Variants in NDST3 observed in about 807,000 individuals in gnomAD.
The protein encoded by NDST3 is bifunctional heparan sulfate N-deacetylase/N-sulfotransferase 3.
In NDST3, 58 loss-of-function variants were observed where a neutral mutation model predicts 96.1. The ratio of observed to expected loss-of-function variants is 0.60; its 90% CI spans 0.49 to 0.75. The LOEUF is 0.75. NDST3 is among the 30% of genes least tolerant of loss of function. The pLI is 0.00. For synonymous variants in NDST3, 333 were observed against 359.7 expected (o/e 0.93, Z 0.84); for missense variants, 788 against 1,034.2 (o/e 0.76, Z 3.27).
rs201653493 is a variant in NDST3 at position 118,114,837 on chromosome 4, T to G, written c.1101T>G (p.Cys367Trp). ...AAGAGGAAGATGAAGGAGATGACTG[T>G]CTGTTGGGGTCTGTGGATGAGTTCT... is the stretch of plus-strand genomic sequence containing the variant. ...GTEEEDEGDD[C>W]LLGSVDEFWW... Residue 367 changes from cysteine to tryptophan, a missense_variant, in exon 4 of 14, where the codon TGT (cysteine) becomes TGG (tryptophan). This residue lies in a region of NDST3 where 490 missense variants were observed against 708.8 expected (regional missense o/e 0.69). Transcript: ENST00000296499. 5.9e-5 allele frequency: 96 copies of G among 1,614,016 alleles called. No homozygotes were observed. In the East Asian group the frequency reaches 2.1e-3, roughly 35 times the overall value.
chr4:118,236,475 G>A (rs921683485), intron 9 of NDST3, among the ~76,000 whole-genome samples: 5 of 152,180 alleles, frequency 3.3e-5, no homozygotes, highest in African/African-American at 1.2e-4. Context: ...ATTCTAAAGA[G>A]GAACATAAGT....
At chr4:118,218,066 C>A (rs967831897) in intron 6 of NDST3, among the ~76,000 whole-genome samples, 1 of 151,140 alleles carries the variant, frequency 6.6e-6, no homozygotes, top group Non-Finnish European at 1.5e-5. Context: ...GCCTACCAAC[C>A]AAAAAAAAGC....
chr4:118,071,957 G>A (rs146056480), intron 2 of NDST3, among the ~76,000 whole-genome samples: 242 of 152,050 alleles, frequency 1.6e-3, no homozygotes, highest in African/African-American at 5.4e-3. Flanking sequence ...GGTGTAAGAC[G>A]GTATCTCATT....
At chr4:118,074,046 A>C (rs145567001) in intron 2 of NDST3, among the ~76,000 whole-genome samples, 1 of 152,156 alleles carries the variant, frequency 6.6e-6, no homozygotes, top group Non-Finnish European at 1.5e-5. Flanking sequence ...GAAGTCATTC[A>C]GGAGTAGGTT....
rs1364932909 is a variant in NDST3, at chr4:118,237,265, G to A, written c.2118+45G>A. 2.0e-6 allele frequency: 3 copies of A among 1,472,134 alleles called. No individual in the cohort carries two copies. In the African/African-American group the frequency reaches 4.2e-5, roughly 21 times the overall value. 91.2% of individuals were successfully genotyped at this position (1,472,134 alleles called of 1,614,324 possible). A position where few individuals can be genotyped will look rare whatever the true frequency, so the allele number is the denominator to read the frequency against. ...AATCCAACAGGGAGAAGTGGAGTATGGACAATGGAGCATTGTTTTTAGCAA... is the reference window on the plus strand; with the variant it reads ...AATCCAACAGGGAGAAGTGGAGTATAGACAATGGAGCATTGTTTTTAGCAA... On this transcript the variant is annotated intron_variant, in intron 10 of 13. Transcript: ENST00000296499.
intron 4 of NDST3, among the ~76,000 whole-genome samples, chr4:118,135,736 C>A (rs898249487): frequency 6.6e-6 from 1 of 152,102 alleles, no homozygotes; most frequent in Admixed American, 6.5e-5. Context: ...AACTAAAAAA[C>A]CCATTTAGTC....
intron 6 of NDST3, chr4:118,194,710 C>G (rs1737552253): frequency 7.1e-6 from 4 of 559,936 alleles, no homozygotes; most frequent in African/African-American, 5.7e-5. Context: ...GAGGCGCCAA[C>G]TGTGTCCCAT....
intron 4 of NDST3, among the ~76,000 whole-genome samples, chr4:118,119,110 T>G (rs1230782133): frequency 6.6e-6 from 1 of 152,200 alleles, no homozygotes; most frequent in Non-Finnish European, 1.5e-5. Flanking sequence ...TACTGAAGAT[T>G]GAACTTCTAA....
chr4:118,234,212 G>A lies in NDST3; in HGVS notation c.1943+1077G>A, dbSNP rs558783721. On this transcript the variant is annotated intron_variant, in intron 9 of 13. Coordinates refer to ENST00000296499, the MANE Select transcript of NDST3 (RefSeq NM_004784.3). Reference sequence around the variant, plus strand: ...GGATCACATGAAGTCAGGAGTTTGAGACTAGCCTGGGCAACATAGCAAGAC... The same window carrying A: ...GGATCACATGAAGTCAGGAGTTTGAAACTAGCCTGGGCAACATAGCAAGAC... 2.0e-5 allele frequency among the ~76,000 whole-genome samples: 3 copies of A among 152,194 alleles called. No homozygotes were observed. In the East Asian group the frequency reaches 5.8e-4, roughly 29 times the overall value.
intron 6 of NDST3, among the ~76,000 whole-genome samples, chr4:118,173,048 G>C (rs1736053406): frequency 6.6e-6 from 1 of 151,840 alleles, no homozygotes; most frequent in Non-Finnish European, 1.5e-5. Flanking sequence ...GAAGACAAAA[G>C]GAATCTACTT....
In NDST3 at chr4:118,054,128, C is replaced by A. The variant is rs921270850; in HGVS notation, c.218C>A (p.Ala73Asp). The A allele has an allele frequency of 9.9e-6, 16 of 1,612,882 alleles. No individual in the cohort carries two copies. The highest frequency in any genetic ancestry group is 1.3e-5 in the African/African-American group (1 of 74,910). ...GTGAAAGCAATGAAGCTTTTTGATGCCTCAAGGACAGACCCCACAGTCCTA... is the reference window on the plus strand; with the variant it reads ...GTGAAAGCAATGAAGCTTTTTGATGACTCAAGGACAGACCCCACAGTCCTA... ...MEVKAMKLFD[A>D]SRTDPTVLVF... The change falls in exon 2 of 14, where the codon GCC (alanine) becomes GAC (aspartate). Residue 73 changes from alanine to aspartate, a missense_variant. Coordinates refer to ENST00000296499, the MANE Select transcript of NDST3 (RefSeq NM_004784.3).
At chr4:118,250,859 T>C (rs1176398746) in intron 12 of NDST3, among the ~76,000 whole-genome samples, 1 of 152,066 alleles carries the variant, frequency 6.6e-6, no homozygotes, top group Non-Finnish European at 1.5e-5. Context: ...ATACAAGTTC[T>C]ATATTAGATA....
intron 6 of NDST3, among the ~76,000 whole-genome samples, chr4:118,183,394 A>G (rs1736727701): frequency 6.6e-6 from 1 of 152,160 alleles, no homozygotes. Flanking sequence ...TACTGGTGAT[A>G]TCATTTGATT....
At chr4:118,157,643 C>T (rs974445472) in intron 6 of NDST3, among the ~76,000 whole-genome samples, 1 of 151,974 alleles carries the variant, frequency 6.6e-6, no homozygotes, top group African/African-American at 2.4e-5. Context: ...AGGATGGTCT[C>T]GATCTCCTGA....
intron 6 of NDST3, among the ~76,000 whole-genome samples, chr4:118,150,098 G>T (rs368968740): frequency 6.6e-6 from 1 of 151,828 alleles, no homozygotes; most frequent in Non-Finnish European, 1.5e-5. Flanking sequence ...GCATCCCAGG[G>T]ATGAAGCCCA....
chr4:118,218,491 A>T (rs918338182), intron 6 of NDST3, among the ~76,000 whole-genome samples: 1 of 152,150 alleles, frequency 6.6e-6, no homozygotes, highest in African/African-American at 2.4e-5. Flanking sequence ...AAAATTCAAC[A>T]TCCCTTTATG....
chr4:118,080,210 G>A (rs1478779985), intron 2 of NDST3, among the ~76,000 whole-genome samples: 1 of 152,032 alleles, frequency 6.6e-6, no homozygotes, highest in African/African-American at 2.4e-5. Flanking sequence ...GGATGGGGAG[G>A]GTGGGAGCAA....
At chr4:118,175,148 A>T (rs1176842852) in intron 6 of NDST3, among the ~76,000 whole-genome samples, 1 of 151,972 alleles carries the variant, frequency 6.6e-6, no homozygotes, top group Admixed American at 6.6e-5. Context: ...CCTTGATTTC[A>T]TTGTTTTCTT....
intron 3 of NDST3, 74 bp downstream of exon 3, chr4:118,105,179 C>G: frequency 9.6e-7 from 1 of 1,046,038 alleles, no homozygotes; most frequent in Non-Finnish European, 1.5e-6. Context: ...ACTTTTCCTG[C>G]CCACACTGTC....
Sources: gnomAD v4.1 joint callset for allele counts (sites outside exome capture counted in the v4.1 genomes callset) on GRCh38, gnomAD v4.1.1 for gene constraint, gnomAD v4.1.1 regional missense constraint, MANE v1.5 for transcripts, NCBI Gene and HGNC (gene_info 2026-07-23, HGNC 2026-07-21) for gene names.